The following AGAP1 variants were observed in gnomAD, a reference collection of about 807,000 sequenced individuals.
The protein encoded by AGAP1 is ArfGAP with GTPase domain, ankyrin repeat and PH domain 1, also known as arf-GAP with GTPase, ANK repeat and PH domain-containing protein 1.
In AGAP1, 29 loss-of-function variants were observed where a neutral mutation model predicts 105.3. The observed-to-expected ratio is 0.28, with a 90% CI of 0.21 to 0.38. The LOEUF (loss-of-function observed/expected upper bound fraction) is 0.38, where lower values mean the gene tolerates loss of function less well. Among genes scored for constraint, AGAP1 ranks in the 10% least tolerant of loss-of-function variants. The pLI is 1.00. For synonymous variants in AGAP1, 509 were observed against 485.9 expected (o/e 1.05, Z -0.63); for missense variants, 998 against 1,165.1 (o/e 0.86, Z 2.09).
At chr2:236,094,048 A>G (rs1434341317) in intron 16 of AGAP1, among the ~76,000 whole-genome samples, 1 of 152,170 alleles carries the variant, frequency 6.6e-6, no homozygotes, top group South Asian at 2.1e-4. Context: ...GACTGTATTC[A>G]TAGGTCAGAA....
Position 235,893,650 on chromosome 2 carries a change from G to A in AGAP1, c.1155+10201G>A, listed in dbSNP as rs74778365. ...CCCATCTAGTGTACATCATTGCCTC[G>A]GGTGAGAATGTCCCTTTCTGCCCCA... On this transcript the variant is annotated intron_variant, in intron 10 of 17. Transcript: ENST00000304032. This position sits in a 1 kb window ranked among gnomAD's most constrained non-coding sequence, Gnocchi z 4.7. 1.2e-3 allele frequency among the ~76,000 whole-genome samples: 178 copies of A among 152,192 alleles called. 1 individual carries two copies. In the East Asian group the frequency reaches 0.013, roughly 11 times the overall value.
At chr2:235,903,834 C>A (rs754141809) in intron 10 of AGAP1, among the ~76,000 whole-genome samples, 1 of 152,140 alleles carries the variant, frequency 6.6e-6, no homozygotes, top group Non-Finnish European at 1.5e-5. Flanking sequence ...GGTAACCTCC[C>A]GGTCCTGGGA....
chr2:235,852,527 G>A (rs1374725131), intron 9 of AGAP1, among the ~76,000 whole-genome samples: 3 of 152,266 alleles, frequency 2.0e-5, no homozygotes, highest in Non-Finnish European at 4.4e-5. Flanking sequence ...GTGTGTGTAT[G>A]TGTGCGAGAG....
At chr2:235,575,125 A>G (rs553508700) in intron 1 of AGAP1, among the ~76,000 whole-genome samples, 2 of 112,572 alleles carry the variant, frequency 1.8e-5, no homozygotes, top group South Asian at 2.8e-4. Context: ...CCTGTCTCGA[A>G]AAAACAAAAA....
rs181870545 is a variant in AGAP1 at position 236,119,653 on chromosome 2, G to T, written c.2115-539G>T. Among the ~76,000 whole-genome samples the T allele has an allele frequency of 1.4e-5, 2 of 147,346 alleles. No homozygotes were observed. The highest frequency in any genetic ancestry group is 2.0e-4 in the East Asian group (1 of 4,950). On this transcript the variant is annotated intron_variant, in intron 16 of 17. Transcript: ENST00000304032. This position sits in a 1 kb window ranked among gnomAD's most constrained non-coding sequence, Gnocchi z 6.6. ...TCCTGCTTACAGTAAAGCAACTCTC[G>T]GCCCCAGAGACCATGCTTCCATCGT...
Position 235,684,489 on chromosome 2 carries a change from G to C in AGAP1, c.164-24690G>C, listed in dbSNP as rs188986055. ...TTAATTCCTAAATGGAATGATGGGA[G>C]CGCTGGGTGCTCAGAGGCTTCCTTT... is the stretch of plus-strand genomic sequence containing the variant. On this transcript the variant is annotated intron_variant, in intron 1 of 17. Coordinates refer to ENST00000304032, the MANE Select transcript of AGAP1 (RefSeq NM_001037131.3). Among the ~76,000 whole-genome samples, 166 of 152,372 alleles carry C rather than the reference G, an allele frequency of 1.1e-3. 1 individual carries two copies. In the South Asian group the frequency reaches 0.013, roughly 12 times the overall value.
rs1180275400 is a variant in AGAP1, at chr2:235,517,899, C to T, written c.163+23050C>T. Among the ~76,000 whole-genome samples the T allele has an allele frequency of 6.9e-6, 1 of 144,440 alleles. No homozygotes were observed. The highest frequency in any genetic ancestry group is 1.5e-5 in the Non-Finnish European group (1 of 67,286). 94.8% of individuals were successfully genotyped at this position (144,440 alleles called of 152,430 possible). A position where few individuals can be genotyped will look rare whatever the true frequency, so the allele number is the denominator to read the frequency against. On this transcript the variant is annotated intron_variant, in intron 1 of 17. Transcript: ENST00000304032. The surrounding 1 kb of genome is among the most constrained non-coding windows in gnomAD (Gnocchi z 4.1). ...AGTGAGCCAAGATTGTGCCTCTGCA[C>T]TCCAGCCTGGGTGACAGAGTGAGAC...
Position 235,725,220 on chromosome 2 carries a change from C to A in AGAP1, c.310+7576C>A, listed in dbSNP as rs1189283656. On this transcript the variant is annotated intron_variant, in intron 3 of 17. Coordinates refer to ENST00000304032, the MANE Select transcript of AGAP1 (RefSeq NM_001037131.3). The surrounding 1 kb of genome is among the most constrained non-coding windows in gnomAD (Gnocchi z 5.7). ...CGGGGTTAGCCTTGCCACCCTCCTT[C>A]AGGACTGCCTAGAATTGTTTCCTGT... is the stretch of plus-strand genomic sequence containing the variant. 6.6e-6 allele frequency among the ~76,000 whole-genome samples: 1 copy of A among 152,184 alleles called. No individual in the cohort carries two copies. Among genetic ancestry groups the A allele is most frequent in the East Asian group, 1.9e-4 (1 of 5,188 alleles).
intron 9 of AGAP1, among the ~76,000 whole-genome samples, chr2:235,837,457 G>T (rs1022453390): frequency 1.3e-5 from 2 of 152,198 alleles, no homozygotes; most frequent in African/African-American, 4.8e-5. Flanking sequence ...GGGAAGGTGG[G>T]GAGGGCTGCT....
intron 6 of AGAP1, chr2:235,783,441 TG>T (rs1345380365): frequency 2.1e-6 from 1 of 468,848 alleles, no homozygotes; most frequent in Non-Finnish European, 4.4e-6. Flanking sequence ...GACATCACCA[TG>T]TTCTCATAGA....
At position 235,700,399 on chromosome 2, in the gene AGAP1, A is replaced by C. The variant is rs566304064; in HGVS notation, c.164-8780A>C. On this transcript the variant is annotated intron_variant, in intron 1 of 17. Transcript: ENST00000304032. The surrounding 1 kb of genome is among the most constrained non-coding windows in gnomAD (Gnocchi z 6.1). ...TCTGCTTTGATTCTCTCAGACGTGA[A>C]TCCTTTAAGCAGTGCTTTACACACC... Among the ~76,000 whole-genome samples the C allele has an allele frequency of 4.6e-5, 7 of 152,264 alleles. No homozygotes were observed. The highest frequency in any genetic ancestry group is 3.9e-4 in the East Asian group (2 of 5,188).
rs1369942234 is a variant in AGAP1, at chr2:235,728,299, C to CTGTG, written c.310+10656_310+10657insGTGT. ...AGATCTGAAAAGGACTGGGCCCAGACTCTGTGTGTGTGTGTGTGTGTGTGT... is the reference window on the plus strand; with the variant it reads ...AGATCTGAAAAGGACTGGGCCCAGACTGTGTCTGTGTGTGTGTGTGTGTGTGTGT... On this transcript the variant is annotated intron_variant, in intron 3 of 17. Transcript: ENST00000304032. The surrounding 1 kb of genome is among the most constrained non-coding windows in gnomAD (Gnocchi z 4.3). Among the ~76,000 whole-genome samples, 2 of 134,846 alleles carry CTGTG rather than the reference C, an allele frequency of 1.5e-5. No homozygotes were observed. Among genetic ancestry groups the CTGTG allele is most frequent in the African/African-American group, 6.0e-5 (2 of 33,610 alleles). 88.5% of individuals were successfully genotyped at this position (134,846 alleles called of 152,430 possible). A position where few individuals can be genotyped will look rare whatever the true frequency, so the allele number is the denominator to read the frequency against.
chr2:236,016,421 CA>C (rs1334297983), intron 13 of AGAP1, among the ~76,000 whole-genome samples: 2 of 142,230 alleles, frequency 1.4e-5, no homozygotes, highest in Non-Finnish European at 3.0e-5. Context: ...GGGTTTGTCG[CA>C]ACAAATTTGT....
In AGAP1 at chr2:235,891,815, C is replaced by T. The variant is rs909578953; in HGVS notation, c.1155+8366C>T. On this transcript the variant is annotated intron_variant, in intron 10 of 17. Coordinates refer to ENST00000304032, the MANE Select transcript of AGAP1 (RefSeq NM_001037131.3). The surrounding 1 kb of genome is among the most constrained non-coding windows in gnomAD (Gnocchi z 4.2). Reference sequence around the variant, plus strand: ...TGGCAGCTGTGAAACTCCTCCCCTCCGGGCCATACCTGGCAGACGTGCATG... The same window carrying T: ...TGGCAGCTGTGAAACTCCTCCCCTCTGGGCCATACCTGGCAGACGTGCATG... Among the ~76,000 whole-genome samples, 8 of 152,254 alleles carry T rather than the reference C, an allele frequency of 5.3e-5. No individual in the cohort carries two copies. Among genetic ancestry groups the T allele is most frequent in the South Asian group, 4.1e-4 (2 of 4,826 alleles).
rs1192080220 is a variant in AGAP1, at chr2:235,981,742, C to G, written c.1645+13119C>G. Among the ~76,000 whole-genome samples, 2 of 152,160 alleles carry G rather than the reference C, an allele frequency of 1.3e-5. No homozygotes were observed. Among genetic ancestry groups the G allele is most frequent in the East Asian group, 1.9e-4 (1 of 5,178 alleles). On this transcript the variant is annotated intron_variant, in intron 13 of 17. Coordinates refer to ENST00000304032, the MANE Select transcript of AGAP1 (RefSeq NM_001037131.3). This position sits in a 1 kb window ranked among gnomAD's most constrained non-coding sequence, Gnocchi z 5.5. ...TCCGCATTTTTATAACTGAGGAAAC[C>G]GAGGGTCATAAAGTTTAAGTAACTT...
At chr2:235,881,980 A>C (rs2050045598) in intron 9 of AGAP1, among the ~76,000 whole-genome samples, 1 of 152,182 alleles carries the variant, frequency 6.6e-6, no homozygotes, top group Non-Finnish European at 1.5e-5. Context: ...AACTGTAAAA[A>C]AATTCTGCTT....
rs1389748718 is a variant in AGAP1, at chr2:235,725,738, A to G, written c.310+8094A>G. Among the ~76,000 whole-genome samples, 9 of 152,236 alleles carry G rather than the reference A, an allele frequency of 5.9e-5. No individual in the cohort carries two copies. The highest frequency in any genetic ancestry group is 9.6e-5 in the African/African-American group (4 of 41,464). ...TCAGCCATCTTCACTGATGATTTTCAGAATTAACCTGATCACTCACCATGG... is the reference window on the plus strand; with the variant it reads ...TCAGCCATCTTCACTGATGATTTTCGGAATTAACCTGATCACTCACCATGG... On this transcript the variant is annotated intron_variant, in intron 3 of 17. Coordinates refer to ENST00000304032, the MANE Select transcript of AGAP1 (RefSeq NM_001037131.3). The surrounding 1 kb of genome is among the most constrained non-coding windows in gnomAD (Gnocchi z 5.7).
intron 9 of AGAP1, among the ~76,000 whole-genome samples, chr2:235,813,870 G>A (rs1167763733): frequency 1.3e-5 from 2 of 152,318 alleles, no homozygotes; most frequent in East Asian, 3.9e-4. Context: ...CTCAGCAGAT[G>A]GATGGTAGCC....
chr2:235,748,271 C>T (rs563840360), intron 5 of AGAP1, among the ~76,000 whole-genome samples: 23 of 152,190 alleles, frequency 1.5e-4, no homozygotes, highest in Middle Eastern at 3.4e-3. Flanking sequence ...CCGCTGAGGA[C>T]GGAGGGGCTG....
Sources: gnomAD v4.1 joint callset for allele counts (sites outside exome capture counted in the v4.1 genomes callset) on GRCh38, gnomAD v4.1.1 for gene constraint, Gnocchi (gnomAD v3.1) non-coding constraint, MANE v1.5 for transcripts, NCBI Gene and HGNC (gene_info 2026-07-23, HGNC 2026-07-21) for gene names.